The following DCC variants were observed in gnomAD, a reference collection of about 807,000 sequenced individuals.
DCC encodes the protein DCC netrin 1 receptor, also known as netrin receptor DCC.
In DCC, 58 loss-of-function variants were observed where a neutral mutation model predicts 172.5. That is an observed-to-expected ratio of 0.34 (90% confidence interval 0.27 to 0.42). The LOEUF (loss-of-function observed/expected upper bound fraction) is 0.42. Ranked by LOEUF, DCC falls within the 10% of genes least tolerant of loss-of-function variation. The probability of loss-of-function intolerance (pLI) is 1.00; values close to 1 mark genes in which losing one functional copy is unlikely to be tolerated. For synonymous variants in DCC, 709 were observed against 644.5 expected (o/e 1.10, Z -1.52); for missense variants, 1,740 against 1,791.0 (o/e 0.97, Z 0.51).
intron 7 of DCC, among the ~76,000 whole-genome samples, chr18:53,156,480 C>G (rs7227320): frequency 0.012 from 1,687 of 144,524 alleles, 44 homozygotes; most frequent in African/African-American, 0.041. Flanking sequence ...AAGACCCCAT[C>G]TCAACCAAAA....
intron 5 of DCC, among the ~76,000 whole-genome samples, chr18:52,943,312 T>A (rs1452980475): frequency 6.6e-6 from 1 of 152,200 alleles, no homozygotes; most frequent in Admixed American, 6.5e-5. Context: ...GTACATTTTC[T>A]TTATGTAGAA....
chr18:52,794,748 G>A (rs2037840174), intron 2 of DCC, among the ~76,000 whole-genome samples: 1 of 151,954 alleles, frequency 6.6e-6, no homozygotes, highest in African/African-American at 2.4e-5. Context: ...TTTCCATTAA[G>A]TACGATGTTA....
At chr18:53,012,400 C>A (rs1476081335) in intron 5 of DCC, among the ~76,000 whole-genome samples, 2 of 151,898 alleles carry the variant, frequency 1.3e-5, no homozygotes, top group East Asian at 3.9e-4. Flanking sequence ...TAAAAACATT[C>A]TGAGGGAACA....
rs188900888 is a variant in DCC at position 52,599,080 on chromosome 18, G to A, written c.92-152974G>A. ...TTACAACATAAATTTTGCAGAGGAT[G>A]TGAACAGTCAAACCACAGATGGATC... On this transcript the variant is annotated intron_variant, in intron 1 of 28. Coordinates refer to ENST00000442544, the MANE Select transcript of DCC (RefSeq NM_005215.4). Among the ~76,000 whole-genome samples the A allele has an allele frequency of 5.3e-5, 8 of 152,320 alleles. No individual in the cohort carries two copies. The East Asian group carries it at 1.4e-3, about 26-fold the overall frequency.
intron 1 of DCC, among the ~76,000 whole-genome samples, chr18:52,356,999 G>A (rs1018099908): frequency 1.3e-5 from 2 of 152,090 alleles, no homozygotes; most frequent in Non-Finnish European, 1.5e-5. Flanking sequence ...TGGCCAGGCT[G>A]GTCTTGAACT....
intron 12 of DCC, among the ~76,000 whole-genome samples, chr18:53,255,632 G>A (rs1399956896): frequency 6.6e-6 from 1 of 152,020 alleles, no homozygotes; most frequent in African/African-American, 2.4e-5. Flanking sequence ...CATTTGGATT[G>A]GTTCCAAGTC....
intron 1 of DCC, among the ~76,000 whole-genome samples, chr18:52,586,438 C>G (rs2033675908): frequency 6.6e-6 from 1 of 152,128 alleles, no homozygotes; most frequent in Non-Finnish European, 1.5e-5. Flanking sequence ...GCAATCACCC[C>G]ACCCAACACT....
At chr18:52,550,323 G>A (rs773417616) in intron 1 of DCC, among the ~76,000 whole-genome samples, 3 of 151,846 alleles carry the variant, frequency 2.0e-5, no homozygotes, top group East Asian at 1.9e-4. Flanking sequence ...TAAATGTAAC[G>A]TGGTCTCCTG....
Position 52,620,819 on chromosome 18 carries a change from C to T in DCC, c.92-131235C>T, listed in dbSNP as rs542119943. Among the ~76,000 whole-genome samples the T allele has an allele frequency of 7.9e-5, 12 of 152,186 alleles. No individual in the cohort carries two copies. In the South Asian group the frequency reaches 2.5e-3, roughly 32 times the overall value. On this transcript the variant is annotated intron_variant, in intron 1 of 28. Coordinates refer to ENST00000442544, the MANE Select transcript of DCC (RefSeq NM_005215.4). Reference sequence around the variant, plus strand: ...TCATTTCCAGTACTATCATAAGGAGCTACGTGAGAAACATTATAGTCAAGG... The same window carrying T: ...TCATTTCCAGTACTATCATAAGGAGTTACGTGAGAAACATTATAGTCAAGG...
intron 1 of DCC, among the ~76,000 whole-genome samples, chr18:52,702,525 G>A (rs893861853): frequency 7.9e-5 from 12 of 152,042 alleles, no homozygotes; most frequent in Admixed American, 3.9e-4. Flanking sequence ...GTAACAGCAC[G>A]CTTTTTCATT....
At chr18:53,077,919 C>A (rs1270256894) in intron 7 of DCC, among the ~76,000 whole-genome samples, 3 of 152,140 alleles carry the variant, frequency 2.0e-5, no homozygotes, top group Non-Finnish European at 4.4e-5. Context: ...CTCTGTTCAA[C>A]TTTCCAATAT....
intron 21 of DCC, among the ~76,000 whole-genome samples, chr18:53,431,455 A>T (rs1464690499): frequency 7.1e-6 from 1 of 141,376 alleles, no homozygotes; most frequent in Non-Finnish European, 1.6e-5. Context: ...TTATATTCAT[A>T]TAGTACACTT....
chr18:53,294,246 C>A (rs539918188), intron 12 of DCC, among the ~76,000 whole-genome samples: 1 of 152,276 alleles, frequency 6.6e-6, no homozygotes, highest in Non-Finnish European at 1.5e-5. Context: ...AAAAATAACC[C>A]TAACTGTGTT....
intron 1 of DCC, among the ~76,000 whole-genome samples, chr18:52,541,151 A>G (rs1352109473): frequency 6.6e-6 from 1 of 152,196 alleles, no homozygotes; most frequent in Non-Finnish European, 1.5e-5. Context: ...CCCAGATAAC[A>G]TCGTATACAA....
chr18:52,852,285 T>C (rs1239887745), intron 2 of DCC, among the ~76,000 whole-genome samples: 1 of 152,240 alleles, frequency 6.6e-6, no homozygotes, highest in Non-Finnish European at 1.5e-5. Context: ...TTTTTGCATA[T>C]TACTTTTTAA....
At chr18:53,499,239 C>G in intron 26 of DCC, 59 bp from the exon 27 acceptor site, 1 of 1,567,160 alleles carries the variant, frequency 6.4e-7, no homozygotes, top group East Asian at 2.2e-5. Flanking sequence ...GTTCCAGTGA[C>G]TTAAGGAAAA....
At chr18:53,206,603 A>G (rs1392301947) in intron 10 of DCC, among the ~76,000 whole-genome samples, 2 of 145,700 alleles carry the variant, frequency 1.4e-5, no homozygotes, top group Non-Finnish European at 3.0e-5. Flanking sequence ...TATATAATAC[A>G]TATCTATGTA....
intron 1 of DCC, among the ~76,000 whole-genome samples, chr18:52,619,938 C>T (rs2034450148): frequency 6.6e-6 from 1 of 152,144 alleles, no homozygotes; most frequent in Admixed American, 6.5e-5. Context: ...ATTAAAATTA[C>T]TACGTACTGT....
In DCC at chr18:52,364,807, T is replaced by C. The variant is rs1009075805; in HGVS notation, c.91+23929T>C. Among the ~76,000 whole-genome samples the C allele has an allele frequency of 3.3e-5, 5 of 152,186 alleles. No homozygotes were observed. The South Asian group carries it at 1.0e-3, about 32-fold the overall frequency. On this transcript the variant is annotated intron_variant, in intron 1 of 28. Transcript: ENST00000442544. ...GCTTAGAGGCAGTGAGGAGGTGGCA[T>C]GGTGAAGTCAGTGGCCATTGTCTTT... is the stretch of plus-strand genomic sequence containing the variant.
Sources: allele counts gnomAD v4.1 joint callset (sites outside exome capture counted in the v4.1 genomes callset), GRCh38; gene constraint gnomAD v4.1.1; transcripts MANE v1.5; gene names NCBI Gene and HGNC (gene_info 2026-07-23, HGNC 2026-07-21).